PAFAH1B1: variants seen among roughly 807,000 people sequenced by gnomAD.
PAFAH1B1 encodes the protein platelet activating factor acetylhydrolase 1b regulatory subunit 1, also known as platelet-activating factor acetylhydrolase IB subunit beta.
Under a neutral mutation model 57.5 loss-of-function variants are expected in PAFAH1B1, and 2 were observed. That is an observed-to-expected ratio of 0.03 (90% CI 0.01 to 0.11). The LOEUF is 0.11. PAFAH1B1 is among the 10% of genes least tolerant of loss of function. The pLI is 1.00. For missense variants in PAFAH1B1, 257 were observed against 512.0 expected (o/e 0.50, Z 4.81); for synonymous variants, 152 against 169.6 (o/e 0.90, Z 0.81).
rs552888320 is a variant in PAFAH1B1 at position 2,593,733 on chromosome 17, G to A, written c.-464G>A. 2 of 313,274 alleles carry A rather than the reference G, an allele frequency of 6.4e-6. No homozygotes were observed. Among genetic ancestry groups the A allele is most frequent in the African/African-American group, 2.2e-5 (1 of 45,770 alleles). The allele number at this position is 313,274 out of a possible 1,614,324, so 19.4% of individuals were successfully genotyped here. A position where few individuals can be genotyped will look rare whatever the true frequency, so the allele number is the denominator to read the frequency against. ...TGAGCGAGCGGAGGAGCAGCGACAC[G>A]GGAGTCTAGGGAGCGAGAAGGAGAA... On this transcript the variant is annotated 5_prime_UTR_variant, in exon 1 of 11. Transcript: ENST00000397195.
intron 1 of PAFAH1B1, among the ~76,000 whole-genome samples, chr17:2,608,373 C>T (rs554959497): frequency 1.3e-5 from 2 of 152,356 alleles, no homozygotes; most frequent in African/African-American, 4.8e-5. Flanking sequence ...CGTGAGCCAT[C>T]ACACCTGGCC....
rs2068421993 is a variant in PAFAH1B1 at position 2,621,605 on chromosome 17, G to GTTTTT, written c.-190-16493_-190-16492insTTTTT. 1.3e-4 allele frequency among the ~76,000 whole-genome samples: 12 copies of GTTTTT among 93,206 alleles called. 5 individuals are homozygous for GTTTTT. Among genetic ancestry groups the GTTTTT allele is most frequent in the African/African-American group, 5.2e-4 (11 of 21,294 alleles). 61.1% of individuals were successfully genotyped at this position (93,206 alleles called of 152,430 possible). A position where few individuals can be genotyped will look rare whatever the true frequency, so the allele number is the denominator to read the frequency against. ...GCTATTCAAGCATGGTAGATAATCT[G>GTTTTT]TCTTTTTTTTTTTTTTTTTTTTTTT... On this transcript the variant is annotated intron_variant, in intron 1 of 10. Coordinates refer to ENST00000397195, the MANE Select transcript of PAFAH1B1 (RefSeq NM_000430.4).
intron 2 of PAFAH1B1, among the ~76,000 whole-genome samples, chr17:2,658,301 T>A (rs973316143): frequency 1.3e-5 from 2 of 152,214 alleles, no homozygotes; most frequent in African/African-American, 2.4e-5. Context: ...ATGTTATTTT[T>A]CTTAACAGGT....
At position 2,638,173 on chromosome 17, in the gene PAFAH1B1, G is replaced by C; in HGVS notation, c.-116G>C. The C allele has an allele frequency of 1.4e-6, 1 of 737,126 alleles. No homozygotes were observed. Among genetic ancestry groups the C allele is most frequent in the Non-Finnish European group, 2.4e-6 (1 of 422,736 alleles). The allele number at this position is 737,126 out of a possible 1,614,324, so 45.7% of individuals were successfully genotyped here. ...ATTTGTGAAAGAATCATTTTCCCCT[G>C]TGTGGAAGACACTTAGTGGCATATT... On this transcript the variant is annotated 5_prime_UTR_variant, in exon 2 of 11. Coordinates refer to ENST00000397195, the MANE Select transcript of PAFAH1B1 (RefSeq NM_000430.4).
At chr17:2,659,410 G>A (rs770902153) in intron 2 of PAFAH1B1, 4 of 273,890 alleles carry the variant, frequency 1.5e-5, no homozygotes, top group South Asian at 2.9e-5. Context: ...GGTGGCACAC[G>A]CCTGTAGTCC....
intron 2 of PAFAH1B1, among the ~76,000 whole-genome samples, chr17:2,647,758 A>T (rs554887746): frequency 1.3e-5 from 2 of 152,092 alleles, no homozygotes; most frequent in South Asian, 2.1e-4. Context: ...TAATCCCAGC[A>T]CTTTGGGAGG....
intron 1 of PAFAH1B1, among the ~76,000 whole-genome samples, chr17:2,635,132 C>A: frequency 6.7e-6 from 1 of 150,166 alleles, no homozygotes. Context: ...CAGTGCCCTC[C>A]TGGGCAACAA....
intron 2 of PAFAH1B1, among the ~76,000 whole-genome samples, chr17:2,652,375 A>C (rs894144598): frequency 6.6e-6 from 1 of 152,256 alleles, no homozygotes; most frequent in South Asian, 2.1e-4. Context: ...AGATCGCGCC[A>C]CTGCACTCCA....
chr17:2,674,222 G>C lies in PAFAH1B1; in HGVS notation c.834G>C (p.Val278=), dbSNP rs2151667984. The change falls in exon 8 of 11, where the codon GTG becomes GTC. Residue 278 remains valine, a synonymous_variant. Coordinates refer to ENST00000397195, the MANE Select transcript of PAFAH1B1 (RefSeq NM_000430.4). ...CTGAGCTCCGAGAGCATGAGCATGT[G>C]GTAGAATGCATTTCCTGGGCTCCAG... The part of the protein sequence containing the change: ...CKAELREHEH[V]VECISWAPES... 5.6e-6 allele frequency: 9 copies of C among 1,614,024 alleles called. No individual in the cohort carries two copies. The highest frequency in any genetic ancestry group is 5.9e-6 in the Non-Finnish European group (7 of 1,179,936).
intron 6 of PAFAH1B1, among the ~76,000 whole-genome samples, chr17:2,672,284 A>AT (rs2069194835): frequency 9.4e-6 from 1 of 106,424 alleles, no homozygotes; most frequent in African/African-American, 3.4e-5. Flanking sequence ...TCCTTGCCTC[A>AT]CAAAAAAAAA....
intron 1 of PAFAH1B1, among the ~76,000 whole-genome samples, chr17:2,628,022 AACAGTG>A (rs1408476631): frequency 6.6e-6 from 1 of 152,208 alleles, no homozygotes; most frequent in Non-Finnish European, 1.5e-5. Context: ...ATCGTCAGCA[AACAGTG>A]ACAGTTTGAC....
chr17:2,648,471 G>T (rs2068802166), intron 2 of PAFAH1B1, among the ~76,000 whole-genome samples: 1 of 152,068 alleles, frequency 6.6e-6, no homozygotes, highest in Non-Finnish European at 1.5e-5. Flanking sequence ...GAGGTCAAGA[G>T]TTCAAGACCA....
intron 1 of PAFAH1B1, among the ~76,000 whole-genome samples, chr17:2,624,926 C>T (rs2068470128): frequency 1.3e-5 from 2 of 152,052 alleles, no homozygotes; most frequent in South Asian, 4.1e-4. Context: ...CCGGATAAGT[C>T]TTTATTTCTT....
At chr17:2,611,898 A>G (rs1218657683) in intron 1 of PAFAH1B1, among the ~76,000 whole-genome samples, 2 of 152,142 alleles carry the variant, frequency 1.3e-5, no homozygotes, top group African/African-American at 4.8e-5. Flanking sequence ...CTATGAAGTC[A>G]CAGAAGAGGT....
chr17:2,628,093 G>C (rs1487213095), intron 1 of PAFAH1B1, among the ~76,000 whole-genome samples: 1 of 152,092 alleles, frequency 6.6e-6, no homozygotes, highest in South Asian at 2.1e-4. Flanking sequence ...TGATTGCTCT[G>C]GCTAGGACTT....
chr17:2,656,946 G>T (rs545120501), intron 2 of PAFAH1B1, among the ~76,000 whole-genome samples: 1 of 151,980 alleles, frequency 6.6e-6, no homozygotes, highest in East Asian at 1.9e-4. Context: ...TTTTGAGACA[G>T]AGTCTCGCTC....
intron 1 of PAFAH1B1, among the ~76,000 whole-genome samples, chr17:2,600,618 A>G (rs1404426350): frequency 1.3e-5 from 2 of 151,492 alleles, no homozygotes. Flanking sequence ...TCTATGATAT[A>G]CTAGTGTTTT....
Position 2,630,365 on chromosome 17 carries a change from C to T in PAFAH1B1, c.-190-7734C>T, listed in dbSNP as rs1266473. Among the ~76,000 whole-genome samples, 1,469 of 152,174 alleles carry T rather than the reference C, an allele frequency of 9.7e-3. 28 individuals are homozygous for T. The highest frequency in any genetic ancestry group is 0.033 in the African/African-American group (1,388 of 41,528). ...AATGACTGTAGCTTTCCTTCATACA[C>T]GATGCTTGGTTTCACTGGATATAAA... On this transcript the variant is annotated intron_variant, in intron 1 of 10. Coordinates refer to ENST00000397195, the MANE Select transcript of PAFAH1B1 (RefSeq NM_000430.4).
chr17:2,646,434 CTTGAGG>C (rs2068769535), intron 2 of PAFAH1B1, among the ~76,000 whole-genome samples: 3 of 95,128 alleles, frequency 3.2e-5, no homozygotes, highest in Admixed American at 1.4e-4. Flanking sequence ...CAGTGGATCA[CTTGAGG>C]TCAGGAGTTT....
Sources: allele counts gnomAD v4.1 joint callset (sites outside exome capture counted in the v4.1 genomes callset), GRCh38; gene constraint gnomAD v4.1.1; transcripts MANE v1.5; gene names NCBI Gene and HGNC (gene_info 2026-07-23, HGNC 2026-07-21).